The following CSMD1 variants were observed in gnomAD, a reference collection of about 807,000 sequenced individuals.
The protein encoded by CSMD1 is CUB and Sushi multiple domains 1.
CSMD1 carries 213 observed loss-of-function variants against 417.5 expected under a neutral mutation model. The observed-to-expected ratio is 0.51, with a 90% confidence interval of 0.46 to 0.57. The LOEUF (loss-of-function observed/expected upper bound fraction) is 0.57. Among genes scored for constraint, CSMD1 ranks in the 20% least tolerant of loss-of-function variants. CSMD1 has a pLI of 0.00. For synonymous variants in CSMD1, 2,862 were observed against 1,736.8 expected (o/e 1.65, Z -16.11); for missense variants, 6,923 against 4,529.7 (o/e 1.53, Z -15.17).
intron 3 of CSMD1, among the ~76,000 whole-genome samples, chr8:4,310,704 C>G (rs1279203939): frequency 6.6e-6 from 1 of 152,064 alleles, no homozygotes; most frequent in African/African-American, 2.4e-5. Flanking sequence ...ATAGAACCTG[C>G]AAGACACGCA....
At chr8:3,589,217 A>T (rs1032912645) in intron 8 of CSMD1, among the ~76,000 whole-genome samples, 3 of 152,180 alleles carry the variant, frequency 2.0e-5, no homozygotes, top group Admixed American at 2.0e-4. Context: ...CTACTACATG[A>T]TCTAGAATTT....
chr8:4,233,230 G>C (rs1485090083), intron 3 of CSMD1, among the ~76,000 whole-genome samples: 1 of 152,088 alleles, frequency 6.6e-6, no homozygotes, highest in Non-Finnish European at 1.5e-5. Context: ...TCTTTTTGAA[G>C]TTAACACTGT....
intron 1 of CSMD1, among the ~76,000 whole-genome samples, chr8:4,897,740 C>A (rs1054907474): frequency 2.0e-5 from 3 of 152,066 alleles, no homozygotes. Context: ...AAATTCTACT[C>A]ATCAACTGTT....
intron 3 of CSMD1, among the ~76,000 whole-genome samples, chr8:4,365,509 G>A (rs938089719): frequency 2.6e-5 from 4 of 152,134 alleles, no homozygotes; most frequent in African/African-American, 4.8e-5. Context: ...TACGAATCCA[G>A]GCGTTGTGAT....
At chr8:4,068,683 A>G (rs78588506) in intron 3 of CSMD1, among the ~76,000 whole-genome samples, 1,769 of 152,314 alleles carry the variant, frequency 0.012, 26 homozygotes, top group African/African-American at 0.037. Context: ...TAAAACTATT[A>G]TTCTCATTTC....
intron 12 of CSMD1, among the ~76,000 whole-genome samples, chr8:3,432,504 T>C (rs985989812): frequency 7.0e-6 from 1 of 142,002 alleles, no homozygotes; most frequent in African/African-American, 2.5e-5. Context: ...GTTTTCAATA[T>C]GGGCTTTTTT....
intron 2 of CSMD1, among the ~76,000 whole-genome samples, chr8:4,579,724 A>T (rs1234859643): frequency 4.6e-5 from 7 of 152,116 alleles, no homozygotes; most frequent in Non-Finnish European, 1.0e-4. Flanking sequence ...TGTTTTTTAC[A>T]TGGTGAATTT....
At chr8:3,467,027 G>A (rs562247416) in intron 12 of CSMD1, among the ~76,000 whole-genome samples, 20 of 152,188 alleles carry the variant, frequency 1.3e-4, no homozygotes, top group South Asian at 6.2e-4. Flanking sequence ...AGGACTGATG[G>A]CCATTCACGT....
chr8:4,566,973 G>A (rs1798645081), intron 2 of CSMD1, among the ~76,000 whole-genome samples: 1 of 152,030 alleles, frequency 6.6e-6, no homozygotes, highest in Non-Finnish European at 1.5e-5. Flanking sequence ...AGTCTCTGGA[G>A]AAAACATCAC....
intron 7 of CSMD1, among the ~76,000 whole-genome samples, chr8:3,693,918 T>C (rs1800395157): frequency 6.6e-6 from 1 of 151,614 alleles, no homozygotes; most frequent in East Asian, 1.9e-4. Context: ...TGTGTGTGTG[T>C]GTGTTTGTTA....
chr8:3,432,606 C>G (rs1431661413), intron 12 of CSMD1, among the ~76,000 whole-genome samples: 1 of 149,098 alleles, frequency 6.7e-6, no homozygotes, highest in East Asian at 2.0e-4. Context: ...ACTTCTGCCT[C>G]CCGGGATCAA....
Position 4,850,292 on chromosome 8 carries a change from C to T in CSMD1, c.85+144040G>A, listed in dbSNP as rs187176620. 2.3e-3 allele frequency among the ~76,000 whole-genome samples: 347 copies of T among 151,328 alleles called. 2 individuals are homozygous for T. Among genetic ancestry groups the T allele is most frequent in the African/African-American group, 8.2e-3 (337 of 41,264 alleles). ...CTTTATCAGATACACAATCCCCAAA[C>T]ATTTTCTCCCATTCTACGGCTTGTG... is the stretch of plus-strand genomic sequence containing the variant. On this transcript the variant is annotated intron_variant, in intron 1 of 69. Coordinates refer to ENST00000635120, the MANE Select transcript of CSMD1 (RefSeq NM_033225.6).
chr8:4,697,623 C>G (rs970586174), intron 1 of CSMD1, among the ~76,000 whole-genome samples: 1 of 152,034 alleles, frequency 6.6e-6, no homozygotes, highest in Admixed American at 6.6e-5. Context: ...CATTATAAGG[C>G]CAAAGGCAAT....
At position 4,272,857 on chromosome 8, in the gene CSMD1, A is replaced by G. The variant is rs140813111; in HGVS notation, c.415+147096T>C. Among the ~76,000 whole-genome samples the G allele has an allele frequency of 1.9e-3, 291 of 152,314 alleles. 2 individuals carry two copies. The highest frequency in any genetic ancestry group is 6.7e-3 in the African/African-American group (277 of 41,578). ...TCTTGATGAATAAGTCTCGACACAC[A>G]GATAAAACGATAGATAAAATTTGTT... is the stretch of plus-strand genomic sequence containing the variant. On this transcript the variant is annotated intron_variant, in intron 3 of 69. Transcript: ENST00000635120.
intron 1 of CSMD1, among the ~76,000 whole-genome samples, chr8:4,700,601 G>A (rs1263488298): frequency 6.6e-6 from 1 of 151,772 alleles, no homozygotes; most frequent in East Asian, 1.9e-4. Context: ...GAAATAATTG[G>A]GTATCATTAA....
chr8:3,262,187 ATATAT>A (rs1563199363), intron 26 of CSMD1, among the ~76,000 whole-genome samples: 2,262 of 46,750 alleles, frequency 0.048, 134 homozygotes, highest in South Asian at 0.073. Flanking sequence ...TCATATGAAT[ATATAT>A]ATATATATAT....
In CSMD1 at chr8:3,530,265, T is replaced by A. The variant is rs574812070; in HGVS notation, c.1345-36539A>T. Among the ~76,000 whole-genome samples, 4 of 152,320 alleles carry A rather than the reference T, an allele frequency of 2.6e-5. No homozygotes were observed. The South Asian group carries it at 8.3e-4, about 32-fold the overall frequency. On this transcript the variant is annotated intron_variant, in intron 10 of 69. Transcript: ENST00000635120. ...AAAATATATTAGGTTGTTGATTCAA[T>A]ATCTTATATTTTAATGTGATGGTTT...
intron 3 of CSMD1, among the ~76,000 whole-genome samples, chr8:4,403,012 T>A (rs1050888657): frequency 6.6e-6 from 1 of 151,882 alleles, no homozygotes. Context: ...GTTGTTTTTT[T>A]AGTGGAGACG....
chr8:3,341,112 C>T (rs761965812), intron 23 of CSMD1, among the ~76,000 whole-genome samples: 20 of 152,052 alleles, frequency 1.3e-4, no homozygotes, highest in East Asian at 5.8e-4. Context: ...TGCTGGATGC[C>T]GGGGAGCAAT....
Sources: gnomAD v4.1 joint callset for allele counts (sites outside exome capture counted in the v4.1 genomes callset) on GRCh38, gnomAD v4.1.1 for gene constraint, MANE v1.5 for transcripts, NCBI Gene and HGNC (gene_info 2026-07-23, HGNC 2026-07-21) for gene names.